The following FBXL17 variants were observed in gnomAD, a reference collection of about 807,000 sequenced individuals.
The protein encoded by FBXL17 is F-box/LRR-repeat protein 17.
FBXL17 carries 22 observed loss-of-function variants against 66.2 expected under a neutral mutation model. The observed-to-expected ratio is 0.33, with a 90% CI of 0.24 to 0.47. The LOEUF (loss-of-function observed/expected upper bound fraction) is 0.47, where lower values mean the gene tolerates loss of function less well. Among genes scored for constraint, FBXL17 ranks in the 20% least tolerant of loss-of-function variants. The probability of loss-of-function intolerance (pLI) is 1.00; values close to 1 mark genes in which losing one functional copy is unlikely to be tolerated. For missense variants in FBXL17, 878 were observed against 948.2 expected (o/e 0.93, Z 0.97); for synonymous variants, 474 against 400.5 (o/e 1.18, Z -2.19).
chr5:108,091,241 G>A (rs1408247069), intron 6 of FBXL17, among the ~76,000 whole-genome samples: 2 of 152,174 alleles, frequency 1.3e-5, no homozygotes, highest in Admixed American at 6.5e-5. Context: ...GCTATCCAAA[G>A]CACATAATAT....
chr5:108,085,192 A>G (rs1393144288), intron 6 of FBXL17, among the ~76,000 whole-genome samples: 6 of 152,218 alleles, frequency 3.9e-5, no homozygotes, highest in Non-Finnish European at 8.8e-5. Flanking sequence ...TTTAGTGTTT[A>G]TAAGTTTAAT....
At chr5:108,045,784 T>C (rs563093081) in intron 6 of FBXL17, among the ~76,000 whole-genome samples, 1 of 152,348 alleles carries the variant, frequency 6.6e-6, no homozygotes, top group Non-Finnish European at 1.5e-5. Context: ...GATATCTTTC[T>C]GGTTTTGATT....
At position 108,173,155 on chromosome 5, in the gene FBXL17, A is replaced by T. The variant is rs576138811; in HGVS notation, c.1745+12962T>A. On this transcript the variant is annotated intron_variant, in intron 6 of 8. Coordinates refer to ENST00000542267, the MANE Select transcript of FBXL17 (RefSeq NM_001163315.3). ...AACAAATAGCATCACCAAGAAATCT[A>T]GATTGAGTATGTAGCACTACTAGAA... Among the ~76,000 whole-genome samples, 15 of 152,306 alleles carry T rather than the reference A, an allele frequency of 9.8e-5. No homozygotes were observed. The South Asian group carries it at 2.1e-3, about 21-fold the overall frequency.
intron 4 of FBXL17, among the ~76,000 whole-genome samples, chr5:108,235,914 G>A (rs1370101326): frequency 6.6e-6 from 1 of 152,176 alleles, no homozygotes; most frequent in Non-Finnish European, 1.5e-5. Flanking sequence ...AAGAAAAACA[G>A]AACTATTGAT....
intron 6 of FBXL17, among the ~76,000 whole-genome samples, chr5:108,085,078 CA>C (rs1748917974): frequency 6.6e-6 from 1 of 151,990 alleles, no homozygotes; most frequent in Admixed American, 6.5e-5. Context: ...TGAACCAGAG[CA>C]AAAAAGACAA....
chr5:107,966,627 G>T (rs564918848), intron 7 of FBXL17, among the ~76,000 whole-genome samples: 1 of 151,996 alleles, frequency 6.6e-6, no homozygotes, highest in African/African-American at 2.4e-5. Context: ...ATTTTTGTTC[G>T]ACCTCACTTC....
rs118138145 is a variant in FBXL17 at position 108,255,228 on chromosome 5, T to C, written c.1507-31000A>G. Among the ~76,000 whole-genome samples, 65 of 152,326 alleles carry C rather than the reference T, an allele frequency of 4.3e-4. No individual in the cohort carries two copies. The East Asian group carries it at 0.012, about 27-fold the overall frequency. On this transcript the variant is annotated intron_variant, in intron 4 of 8. Coordinates refer to ENST00000542267, the MANE Select transcript of FBXL17 (RefSeq NM_001163315.3). The stretch of plus-strand genomic sequence containing the variant: ...CATAATCATAGCAGAATATAATTAT[T>C]CTAAAAATAGAAGTATGTTACTGTG...
At chr5:108,339,131 A>G (rs527882014) in intron 4 of FBXL17, among the ~76,000 whole-genome samples, 1 of 152,356 alleles carries the variant, frequency 6.6e-6, no homozygotes, top group South Asian at 2.1e-4. Flanking sequence ...CTTTATTTAA[A>G]AAAGAAAGAA....
intron 4 of FBXL17, among the ~76,000 whole-genome samples, chr5:108,267,916 C>T (rs1318249943): frequency 6.6e-6 from 1 of 151,958 alleles, no homozygotes; most frequent in African/African-American, 2.4e-5. Flanking sequence ...AATGTATTTT[C>T]TAAATTTTAT....
In FBXL17 at chr5:108,168,676, AAC is replaced by A. The variant is rs891638828; in HGVS notation, c.1745+17439_1745+17440del. On this transcript the variant is annotated intron_variant, in intron 6 of 8. Coordinates refer to ENST00000542267, the MANE Select transcript of FBXL17 (RefSeq NM_001163315.3). ...TCAATGCTAATATAAGCATTAATAA[AAC>A]ACAGAGAGTTGCGATTTAGGATTTC... Among the ~76,000 whole-genome samples the A allele has an allele frequency of 7.2e-4, 109 of 152,264 alleles. 2 individuals carry two copies. The highest frequency in any genetic ancestry group is 2.5e-3 in the African/African-American group (105 of 41,566).
At chr5:107,986,928 CT>C (rs1374193637) in intron 7 of FBXL17, among the ~76,000 whole-genome samples, 1 of 151,104 alleles carries the variant, frequency 6.6e-6, no homozygotes, top group Non-Finnish European at 1.5e-5. Flanking sequence ...TGGTTGATCA[CT>C]TTTTTTTTCT....
intron 6 of FBXL17, among the ~76,000 whole-genome samples, chr5:108,032,192 A>G (rs975132246): frequency 1.3e-5 from 2 of 152,170 alleles, no homozygotes; most frequent in South Asian, 4.1e-4. Context: ...GGGCTTTAAT[A>G]TTTGACATAT....
chr5:108,263,963 C>A (rs1275906400), intron 4 of FBXL17, among the ~76,000 whole-genome samples: 2 of 152,046 alleles, frequency 1.3e-5, no homozygotes, highest in Non-Finnish European at 2.9e-5. Flanking sequence ...CGCCTGTAAT[C>A]CCAGCACTTT....
chr5:108,189,599 G>A (rs1183881352), intron 5 of FBXL17, among the ~76,000 whole-genome samples: 1 of 152,074 alleles, frequency 6.6e-6, no homozygotes, highest in African/African-American at 2.4e-5. Flanking sequence ...CCTTGAGTGT[G>A]GACAGGACCC....
At chr5:108,123,331 C>A (rs892079679) in intron 6 of FBXL17, among the ~76,000 whole-genome samples, 1 of 151,924 alleles carries the variant, frequency 6.6e-6, no homozygotes, top group Non-Finnish European at 1.5e-5. Flanking sequence ...CCAACACAGG[C>A]AAAGCTCTTG....
chr5:108,333,196 C>G (rs893971103), intron 4 of FBXL17, among the ~76,000 whole-genome samples: 10 of 148,440 alleles, frequency 6.7e-5, no homozygotes, highest in Admixed American at 4.0e-4. Context: ...TCTGAAATTT[C>G]CCAAGCATAA....
intron 1 of FBXL17, among the ~76,000 whole-genome samples, chr5:108,371,768 T>C (rs565744338): frequency 6.6e-6 from 1 of 152,320 alleles, no homozygotes; most frequent in South Asian, 2.1e-4. Context: ...AACTAAATTA[T>C]ACAGTAATGA....
At position 108,148,235 on chromosome 5, in the gene FBXL17, G is replaced by A. The variant is rs36062636; in HGVS notation, c.1745+37882C>T. On this transcript the variant is annotated intron_variant, in intron 6 of 8. Transcript: ENST00000542267. ...TTTGTTAAATGTGTATATTAAAATAGTGAGTGTAATCATTAAAATATCAGA... is the reference window on the plus strand; with the variant it reads ...TTTGTTAAATGTGTATATTAAAATAATGAGTGTAATCATTAAAATATCAGA... Among the ~76,000 whole-genome samples the A allele has an allele frequency of 0.017, 2,591 of 150,746 alleles. 162 individuals carry two copies. In the East Asian group the frequency reaches 0.21, roughly 12 times the overall value.
At chr5:108,085,964 T>G (rs1748953962) in intron 6 of FBXL17, among the ~76,000 whole-genome samples, 1 of 152,128 alleles carries the variant, frequency 6.6e-6, no homozygotes, top group African/African-American at 2.4e-5. Context: ...TGGAAGAGCC[T>G]TAGAAGCAAG....
Sources: allele counts gnomAD v4.1 joint callset (sites outside exome capture counted in the v4.1 genomes callset), GRCh38; gene constraint gnomAD v4.1.1; transcripts MANE v1.5; gene names NCBI Gene and HGNC (gene_info 2026-07-23, HGNC 2026-07-21).